Variants in ABCC5 observed in about 807,000 individuals in gnomAD.
ABCC5 encodes ATP-binding cassette sub-family C member 5.
A neutral mutation model predicts 160.9 loss-of-function variants in ABCC5; 61 were observed. That is an observed-to-expected ratio of 0.38 (90% confidence interval 0.31 to 0.47). The LOEUF (loss-of-function observed/expected upper bound fraction) is 0.47, where lower values mean the gene tolerates loss of function less well. ABCC5 is among the 20% of genes least tolerant of loss of function. The pLI, the probability that ABCC5 is intolerant of heterozygous loss-of-function variation, is 0.99. For synonymous variants in ABCC5, 666 were observed against 700.6 expected (o/e 0.95, Z 0.78); for missense variants, 1,308 against 1,813.3 (o/e 0.72, Z 5.06).
chr3:183,950,631 A>G (rs1715259667), intron 20 of ABCC5, among the ~76,000 whole-genome samples: 1 of 152,144 alleles, frequency 6.6e-6, no homozygotes. Flanking sequence ...TTTCATGCAA[A>G]TCCCAGACAT....
intron 29 of ABCC5, among the ~76,000 whole-genome samples, chr3:183,923,880 C>T (rs1462362293): frequency 6.6e-6 from 1 of 152,084 alleles, no homozygotes; most frequent in East Asian, 1.9e-4. Flanking sequence ...GCTGAACCTG[C>T]GCTATTTAAC....
At position 183,987,151 on chromosome 3, in the gene ABCC5, GAAAC is replaced by G; in HGVS notation, c.591+615_591+618del. 1 of 161,680 alleles carries G rather than the reference GAAAC, an allele frequency of 6.2e-6. No homozygotes were observed. Among genetic ancestry groups the G allele is most frequent in the Admixed American group, 5.8e-5 (1 of 17,342 alleles). 10.0% of individuals were successfully genotyped at this position (161,680 alleles called of 1,614,324 possible). A position where few individuals can be genotyped will look rare whatever the true frequency, so the allele number is the denominator to read the frequency against. On this transcript the variant is annotated intron_variant, in intron 5 of 29. Coordinates refer to ENST00000334444, the MANE Select transcript of ABCC5 (RefSeq NM_005688.4). This position sits in a 1 kb window ranked among gnomAD's most constrained non-coding sequence, Gnocchi z 4.2. ...GTGTAAGGCAGCACAGCAGGTGTAA[GAAAC>G]AGGTGCCCAGGAAACAGAGTGAACG...
chr3:183,989,427 A>G, intron 2 of ABCC5, 44 bp from the exon 3 acceptor site: 1 of 1,604,082 alleles, frequency 6.2e-7, no homozygotes, highest in Non-Finnish European at 8.5e-7. Flanking sequence ...CAGTTAATAC[A>G]CAGGCGAGAG....
At chr3:183,928,669 A>AGACGGGGG in intron 27 of ABCC5, 78 bp downstream of exon 27, 1 of 1,328,198 alleles carries the variant, frequency 7.5e-7, no homozygotes, top group Non-Finnish European at 1.1e-6. Context: ...CGGCCAGAGC[A>AGACGGGGG]GACGGGGTGT....
intron 2 of ABCC5, among the ~76,000 whole-genome samples, chr3:184,002,120 G>A (rs568913706): frequency 4.6e-5 from 7 of 152,232 alleles, no homozygotes; most frequent in South Asian, 4.2e-4. Context: ...AGATTCTGCC[G>A]GGTGGGGTGG....
intron 2 of ABCC5, among the ~76,000 whole-genome samples, chr3:183,998,462 C>T (rs1299787378): frequency 5.3e-5 from 8 of 152,138 alleles, no homozygotes; most frequent in Admixed American, 5.2e-4. Context: ...AAATTTATAA[C>T]AAACCAACAT....
intron 2 of ABCC5, among the ~76,000 whole-genome samples, chr3:183,992,346 A>C (rs1719842809): frequency 6.6e-6 from 1 of 152,218 alleles, no homozygotes; most frequent in African/African-American, 2.4e-5. Flanking sequence ...ACTACACTCC[A>C]GACTGGGCAA....
At chr3:183,953,873 G>A (rs113197541) in intron 17 of ABCC5, among the ~76,000 whole-genome samples, 8 of 152,286 alleles carry the variant, frequency 5.3e-5, no homozygotes, top group African/African-American at 1.7e-4. Context: ...CGACTAAGCA[G>A]GCTGTGGTCA....
intron 28 of ABCC5, 73 bp downstream of exon 28, chr3:183,927,257 C>T (rs1712675333): frequency 2.1e-6 from 3 of 1,457,434 alleles, no homozygotes; most frequent in South Asian, 2.4e-5. Flanking sequence ...TACCTTTGGA[C>T]CCCAGTGTGT....
At chr3:183,945,604 A>C (rs1714765068) in intron 24 of ABCC5, among the ~76,000 whole-genome samples, 1 of 152,236 alleles carries the variant, frequency 6.6e-6, no homozygotes, top group Admixed American at 6.5e-5. Flanking sequence ...TGAACTGACA[A>C]GGTTCTGAAC....
chr3:183,954,535 T>C (rs1356604970), intron 17 of ABCC5, among the ~76,000 whole-genome samples: 3 of 152,110 alleles, frequency 2.0e-5, no homozygotes, highest in Non-Finnish European at 4.4e-5. Flanking sequence ...AGGTAAGAGA[T>C]GATAAAGGCC....
chr3:183,946,272 C>G (rs2108788861), intron 23 of ABCC5, among the ~76,000 whole-genome samples: 1 of 152,296 alleles, frequency 6.6e-6, no homozygotes, highest in East Asian at 1.9e-4. Context: ...GTGGGAGTCA[C>G]AACAAATGGA....
At chr3:184,002,623 C>T (rs1284963913) in intron 2 of ABCC5, among the ~76,000 whole-genome samples, 1 of 152,212 alleles carries the variant, frequency 6.6e-6, no homozygotes, top group Non-Finnish European at 1.5e-5. Context: ...CTATCACACC[C>T]CATGGCCACC....
chr3:183,993,483 C>CAAAAA (rs57885159), intron 2 of ABCC5, among the ~76,000 whole-genome samples: 6 of 105,478 alleles, frequency 5.7e-5, no homozygotes, highest in Admixed American at 9.9e-5. Flanking sequence ...GACCCTGTCT[C>CAAAAA]AAAAAAAAAA....
intron 18 of ABCC5, among the ~76,000 whole-genome samples, chr3:183,952,339 G>A (rs1293661308): frequency 6.6e-6 from 1 of 152,078 alleles, no homozygotes; most frequent in Non-Finnish European, 1.5e-5. Flanking sequence ...TACAGACAGG[G>A]TTTTGCCATG....
intron 25 of ABCC5, chr3:183,942,335 A>C (rs1714446870): frequency 2.2e-6 from 1 of 457,044 alleles, no homozygotes; most frequent in Non-Finnish European, 4.4e-6. Flanking sequence ...CGCCCAGCCT[A>C]CTGATAGTTT....
rs767311011 is a variant in ABCC5, at chr3:183,945,934, C to T, written c.3420G>A (p.Thr1140=). 32 of 1,613,870 alleles carry T rather than the reference C, an allele frequency of 2.0e-5. No homozygotes were observed. The highest frequency in any genetic ancestry group is 1.2e-4 in the South Asian group (11 of 91,076). Residue 1140 remains threonine (T), a synonymous_variant, in exon 24 of 30, where the codon ACG becomes ACA. Coordinates refer to ENST00000334444, the MANE Select transcript of ABCC5 (RefSeq NM_005688.4). The stretch of plus-strand genomic sequence containing the variant: ...GTCTGACCGTAAACTGGAACAGCCC[C>T]GTTAACTGATAATGGAAAACAACAA... ...GLAISYAVQL[T]GLFQFTVRLA...
At position 183,928,875 on chromosome 3, in the gene ABCC5, T is replaced by C. The variant is rs762941293; in HGVS notation, c.3855-50A>G. On this transcript the variant is annotated intron_variant, in intron 26 of 29. Coordinates refer to ENST00000334444, the MANE Select transcript of ABCC5 (RefSeq NM_005688.4). ...CAGTGGTCCCACCCTAAGCGACCCA[T>C]TGGCAAAGGCTGTCTGTGGAAGATG... 4 of 1,488,434 alleles carry C rather than the reference T, an allele frequency of 2.7e-6. 1 individual carries two copies. In the Admixed American group the frequency reaches 5.0e-5, roughly 19 times the overall value. The allele number at this position is 1,488,434 out of a possible 1,614,324, so 92.2% of individuals were successfully genotyped here.
At chr3:183,945,061 T>C (rs141325693) in intron 24 of ABCC5, among the ~76,000 whole-genome samples, 1 of 152,306 alleles carries the variant, frequency 6.6e-6, no homozygotes, top group African/African-American at 2.4e-5. Context: ...TGGGAAGATG[T>C]GCTTGTTTCC....
Sources: allele counts gnomAD v4.1 joint callset (sites outside exome capture counted in the v4.1 genomes callset), GRCh38; gene constraint gnomAD v4.1.1; non-coding constraint Gnocchi (gnomAD v3.1); transcripts MANE v1.5; gene names NCBI Gene and HGNC (gene_info 2026-07-23, HGNC 2026-07-21).